Variants in ZNF787 observed in about 807,000 individuals in gnomAD.
ZNF787 encodes the protein zinc finger protein 787, also known as TTF-I-interacting peptide 20.
A neutral mutation model predicts 16.9 loss-of-function variants in ZNF787; 7 were observed. The ratio of observed to expected loss-of-function variants is 0.42; its 90% CI spans 0.24 to 0.78. The LOEUF is 0.78. Among genes scored for constraint, ZNF787 ranks in the 30% least tolerant of loss-of-function variants. The pLI is 0.30. For missense variants in ZNF787, 551 were observed against 589.3 expected (o/e 0.94, Z 0.67); for synonymous variants, 345 against 270.9 (o/e 1.27, Z -2.69).
chr19:56,106,568 G>A (rs1052522419), intron 1 of ZNF787, among the ~76,000 whole-genome samples: 2 of 152,270 alleles, frequency 1.3e-5, no homozygotes, highest in African/African-American at 4.8e-5. Flanking sequence ...CCCATGCTCC[G>A]GCCGTCTGGC....
At chr19:56,116,803 G>A (rs954288332) in intron 1 of ZNF787, among the ~76,000 whole-genome samples, 3 of 152,042 alleles carry the variant, frequency 2.0e-5, no homozygotes, top group Admixed American at 6.6e-5. Context: ...CATCTGCCAC[G>A]GCTCAGCATC....
rs146447936 is a variant in ZNF787 at position 56,087,850 on chromosome 19, T to A, written c.*173A>T. 1 of 1,081,178 alleles carries A rather than the reference T, an allele frequency of 9.2e-7. No individual in the cohort carries two copies. The highest frequency in any genetic ancestry group is 1.2e-6 in the Non-Finnish European group (1 of 846,692). The allele number at this position is 1,081,178 out of a possible 1,614,324, so 67.0% of individuals were successfully genotyped here. A position where few individuals can be genotyped will look rare whatever the true frequency, so the allele number is the denominator to read the frequency against. Reference sequence around the variant, plus strand: ...AGGCGGAGAAGTGAACGGGCCCTAATACGCCCCAGTGCCCCCCCACGGACG... The same window carrying A: ...AGGCGGAGAAGTGAACGGGCCCTAAAACGCCCCAGTGCCCCCCCACGGACG... On this transcript the variant is annotated 3_prime_UTR_variant, in exon 3 of 3. Transcript: ENST00000610935.
At chr19:56,118,407 C>A (rs2030198101) in intron 1 of ZNF787, among the ~76,000 whole-genome samples, 1 of 152,204 alleles carries the variant, frequency 6.6e-6, no homozygotes, top group African/African-American at 2.4e-5. Context: ...TAGAGGACTT[C>A]GGAACAGCCT....
intron 1 of ZNF787, among the ~76,000 whole-genome samples, chr19:56,110,418 C>T (rs2029947523): frequency 6.6e-6 from 1 of 151,796 alleles, no homozygotes; most frequent in Non-Finnish European, 1.5e-5. Context: ...TTAATTGCAC[C>T]TCTATTAGAA....
chr19:56,104,924 T>A (rs1048837039), intron 1 of ZNF787, among the ~76,000 whole-genome samples: 1 of 151,960 alleles, frequency 6.6e-6, no homozygotes, highest in Non-Finnish European at 1.5e-5. Context: ...AGGTCTGGAG[T>A]TCGAGACCAG....
rs753491682 is a variant in ZNF787 at position 56,088,006 on chromosome 19, C to G, written c.*17G>C. On this transcript the variant is annotated 3_prime_UTR_variant, in exon 3 of 3. Coordinates refer to ENST00000610935, the MANE Select transcript of ZNF787 (RefSeq NM_001002836.4). This position sits in a 1 kb window ranked among gnomAD's most constrained non-coding sequence, Gnocchi z 8.6. ...AGCCCGAGGGGCCCTGCCCGCCCCC[C>G]CCCCCGGGCCCCTCCCCTACCGGCC... 8.4e-6 allele frequency: 10 copies of G among 1,195,340 alleles called. No individual in the cohort carries two copies. The highest frequency in any genetic ancestry group is 1.0e-5 in the Non-Finnish European group (10 of 961,370). 74.0% of individuals were successfully genotyped at this position (1,195,340 alleles called of 1,614,324 possible).
chr19:56,095,564 G>T (rs958341903), intron 2 of ZNF787, among the ~76,000 whole-genome samples: 1 of 152,218 alleles, frequency 6.6e-6, no homozygotes, highest in Admixed American at 6.5e-5. Flanking sequence ...AGCCTGCACA[G>T]ATGCACACAC....
chr19:56,101,025 T>A (rs1416188323), intron 2 of ZNF787, among the ~76,000 whole-genome samples: 2 of 115,438 alleles, frequency 1.7e-5, no homozygotes. Flanking sequence ...CACCCCCACC[T>A]ACGAAGTCTG....
Position 56,103,713 on chromosome 19 carries a change from C to G in ZNF787, c.-10-486G>C, listed in dbSNP as rs1986192526. ...CAGGGCAACAGGCGCCTAAGGGTCT[C>G]TGCACACGACACTCCCAACCCGTGC... On this transcript the variant is annotated intron_variant, in intron 1 of 2. Transcript: ENST00000610935. Among the ~76,000 whole-genome samples, 2 of 152,332 alleles carry G rather than the reference C, an allele frequency of 1.3e-5. 1 individual carries two copies. Among genetic ancestry groups the G allele is most frequent in the South Asian group, 4.1e-4 (2 of 4,820 alleles).
At chr19:56,095,286 C>T (rs1017737797) in intron 2 of ZNF787, among the ~76,000 whole-genome samples, 6 of 152,168 alleles carry the variant, frequency 3.9e-5, no homozygotes, top group Admixed American at 1.3e-4. Flanking sequence ...TAACAGGCCA[C>T]GGAGCAGCAC....
intron 2 of ZNF787, among the ~76,000 whole-genome samples, chr19:56,100,200 C>T (rs1369549650): frequency 6.6e-6 from 1 of 152,150 alleles, no homozygotes; most frequent in East Asian, 1.9e-4. Flanking sequence ...CAGCCTGGCT[C>T]GGGTGGCACC....
At chr19:56,100,240 C>T (rs538685429) in intron 2 of ZNF787, among the ~76,000 whole-genome samples, 7 of 152,310 alleles carry the variant, frequency 4.6e-5, no homozygotes, top group African/African-American at 1.7e-4. Flanking sequence ...ACCAGCATCT[C>T]CTGCCTCCAA....
intron 1 of ZNF787, among the ~76,000 whole-genome samples, chr19:56,111,188 GCA>G (rs2029969101): frequency 6.6e-6 from 1 of 152,128 alleles, no homozygotes; most frequent in Non-Finnish European, 1.5e-5. Context: ...CGTTTGGGGT[GCA>G]CACTTTCCAG....
In ZNF787 at chr19:56,092,046, G is replaced by GCCGAAGCCGAAGCCTCAC. The variant is rs796322719; in HGVS notation, c.80-2955_80-2954insGTGAGGCTTCGGCTTCGG. Among the ~76,000 whole-genome samples, 814 of 133,766 alleles carry GCCGAAGCCGAAGCCTCAC rather than the reference G, an allele frequency of 6.1e-3. 27 individuals carry two copies. Among genetic ancestry groups the GCCGAAGCCGAAGCCTCAC allele is most frequent in the African/African-American group, 0.023 (764 of 33,192 alleles). 87.8% of individuals were successfully genotyped at this position (133,766 alleles called of 152,430 possible). A position where few individuals can be genotyped will look rare whatever the true frequency, so the allele number is the denominator to read the frequency against. Reference sequence around the variant, plus strand: ...AGCCGAAGCCGAAGCCGAAGCCGAAGCCTCACCCTCACCCTCACCCTCACC... The same window carrying GCCGAAGCCGAAGCCTCAC: ...AGCCGAAGCCGAAGCCGAAGCCGAAGCCGAAGCCGAAGCCTCACCCTCACCCTCACCCTCACCCTCACC... On this transcript the variant is annotated intron_variant, in intron 2 of 2. Transcript: ENST00000610935.
intron 1 of ZNF787, among the ~76,000 whole-genome samples, chr19:56,110,064 T>TA (rs2029934484): frequency 6.6e-6 from 1 of 152,098 alleles, no homozygotes. Context: ...TTGTACATTT[T>TA]AAAAAAGCAA....
rs1485904367 is a variant in ZNF787, at chr19:56,088,366, G to C, written c.806C>G (p.Pro269Arg). 1 of 1,122,012 alleles carries C rather than the reference G, an allele frequency of 8.9e-7. No homozygotes were observed. Among genetic ancestry groups the C allele is most frequent in the Non-Finnish European group, 1.1e-6 (1 of 917,964 alleles). The allele number at this position is 1,122,012 out of a possible 1,614,324, so 69.5% of individuals were successfully genotyped here. Residue 269 changes from proline to arginine, a missense_variant, in exon 3 of 3, where the codon CCC becomes CGC. Pro to Arg is a moderately radical substitution (Grantham distance 103, BLOSUM62 -2). Transcript: ENST00000610935. The surrounding 1 kb of genome is among the most constrained non-coding windows in gnomAD (Gnocchi z 8.6). ...MAGAGAKAAG[P>R]RSRRAPAPKP... ...GGGGGCCGGGGCGCGCCGCGACCGG[G>C]GCCCCGCGGCCTTTGCCCCCGCGCC...
intron 2 of ZNF787, among the ~76,000 whole-genome samples, chr19:56,090,800 C>T (rs967617527): frequency 6.6e-6 from 1 of 152,154 alleles, no homozygotes; most frequent in Non-Finnish European, 1.5e-5. Context: ...CCAGCCTGGG[C>T]GACAGAGCAA....
intron 2 of ZNF787, among the ~76,000 whole-genome samples, chr19:56,097,185 CA>C (rs1243466525): frequency 6.6e-6 from 1 of 152,208 alleles, no homozygotes; most frequent in African/African-American, 2.4e-5. Flanking sequence ...GCAAATCCAA[CA>C]AGGTAACCAC....
intron 1 of ZNF787, among the ~76,000 whole-genome samples, chr19:56,111,522 G>A (rs1329181524): frequency 6.6e-6 from 1 of 152,136 alleles, no homozygotes; most frequent in African/African-American, 2.4e-5. Flanking sequence ...AAAGGAAGAT[G>A]CTTTTTTCCT....
Sources: allele counts gnomAD v4.1 joint callset (sites outside exome capture counted in the v4.1 genomes callset), GRCh38; gene constraint gnomAD v4.1.1; non-coding constraint Gnocchi (gnomAD v3.1); transcripts MANE v1.5; gene names NCBI Gene and HGNC (gene_info 2026-07-23, HGNC 2026-07-21).